The following SPTLC1 variants were observed in gnomAD, a reference collection of about 807,000 sequenced individuals.
SPTLC1 encodes serine palmitoyltransferase long chain base subunit 1, also known as serine palmitoyltransferase 1.
SPTLC1 carries 55 observed loss-of-function variants against 68.9 expected under a neutral mutation model. The ratio of observed to expected loss-of-function variants is 0.80; its 90% CI spans 0.64 to 1.00. The LOEUF is 1.00. Among genes scored for constraint, SPTLC1 ranks in the 50% least tolerant of loss-of-function variants. The pLI, the probability that SPTLC1 is intolerant of heterozygous loss-of-function variation, is 0.00. For synonymous variants in SPTLC1, 197 were observed against 201.6 expected, an observed-to-expected ratio of 0.98 and a Z score of 0.19; for missense variants, 449 against 573.1, an observed-to-expected ratio of 0.78 and a Z score of 2.21.
chr9:92,060,268 G>C (rs1246945774), intron 6 of SPTLC1, among the ~76,000 whole-genome samples: 1 of 152,134 alleles, frequency 6.6e-6, no homozygotes, highest in Non-Finnish European at 1.5e-5. Flanking sequence ...GGCACAATAT[G>C]AAAGTGTCTA....
rs779525856 is a variant in SPTLC1, at chr9:92,079,542, A to C, written c.427+474T>G. On this transcript the variant is annotated intron_variant, in intron 5 of 14. Coordinates refer to ENST00000262554, the MANE Select transcript of SPTLC1 (RefSeq NM_006415.4). ...GTTCCCGGATTATCCATACACAAGG[A>C]AATCAATGATCCTTCATCTTCATTC... 7 of 1,613,792 alleles carry C rather than the reference A, an allele frequency of 4.3e-6. No individual in the cohort carries two copies. The Admixed American group carries it at 1.0e-4, about 23-fold the overall frequency.
rs151095899 is a variant in SPTLC1 at position 92,106,710 on chromosome 9, T to G, written c.260+2030A>C. ...TTTGATATCCATAATTCCTAACTCT[T>G]CCCTGGCTCTTCCCACTGACCTTGC... On this transcript the variant is annotated intron_variant, in intron 3 of 14. Transcript: ENST00000262554. 9.8e-3 allele frequency among the ~76,000 whole-genome samples: 1,489 copies of G among 152,192 alleles called. 21 individuals carry two copies. Among genetic ancestry groups the G allele is most frequent in the African/African-American group, 0.034 (1,391 of 41,508 alleles).
rs1207146270 is a variant in SPTLC1 at position 92,086,224 on chromosome 9, A to G, written c.261-5261T>C. On this transcript the variant is annotated intron_variant, in intron 3 of 14. Coordinates refer to ENST00000262554, the MANE Select transcript of SPTLC1 (RefSeq NM_006415.4). ...TTGCCAGTCTGTGTCTTTTAATTGGAGCATTTAGTCCATTTACATTTAAAG... is the reference window on the plus strand; with the variant it reads ...TTGCCAGTCTGTGTCTTTTAATTGGGGCATTTAGTCCATTTACATTTAAAG... Among the ~76,000 whole-genome samples the G allele has an allele frequency of 4.1e-4, 62 of 151,648 alleles. 1 individual carries two copies. In the East Asian group the frequency reaches 6.2e-3, roughly 15 times the overall value.
intron 6 of SPTLC1, 56 bp downstream of exon 6, chr9:92,067,910 C>T (rs1834349464): frequency 2.6e-6 from 4 of 1,558,500 alleles, no homozygotes; most frequent in Admixed American, 1.7e-5. Flanking sequence ...TTCTCTAAGA[C>T]AGTCAGTATT....
chr9:92,055,447 T>C lies in SPTLC1; in HGVS notation c.738A>G (p.Gly246=). 1 of 1,613,788 alleles carries C rather than the reference T, an allele frequency of 6.2e-7. No homozygotes were observed. The highest frequency in any genetic ancestry group is 2.2e-5 in the East Asian group (1 of 44,874). ...RVTRRFIVVE[G]LYMNTGTICP... ...AAATAGTTCCAGTATTCATATACAA[T>C]CCTTCTACTACAATGAAACGCCGAG... The change falls in exon 8 of 15, where the codon GGA becomes GGG. Residue 246 remains glycine (G), a synonymous_variant. Transcript: ENST00000262554.
At chr9:92,050,309 T>C (rs1564087918) in intron 8 of SPTLC1, 1 of 445,370 alleles carries the variant, frequency 2.2e-6, no homozygotes, top group Non-Finnish European at 4.1e-6. Flanking sequence ...ACACGTGTTT[T>C]CCCAGGTGAG....
intron 3 of SPTLC1, among the ~76,000 whole-genome samples, chr9:92,090,790 G>A (rs1835334002): frequency 6.6e-6 from 1 of 152,056 alleles, no homozygotes; most frequent in African/African-American, 2.4e-5. Flanking sequence ...TCTGTCAGCT[G>A]CTCCTGCAAC....
At chr9:92,035,008 A>G in intron 13 of SPTLC1, 125 bp from the exon 14 acceptor site, 1 of 834,948 alleles carries the variant, frequency 1.2e-6, no homozygotes, top group East Asian at 2.5e-5. Context: ...TTGCTAGAAG[A>G]TATCACCAAA....
At chr9:92,033,799 G>C (rs557186706) in intron 14 of SPTLC1, among the ~76,000 whole-genome samples, 3 of 152,130 alleles carry the variant, frequency 2.0e-5, no homozygotes, top group East Asian at 1.9e-4. Context: ...TGCCCACCTC[G>C]GTCTCCCAGG....
At chr9:92,041,827 A>G (rs908438873) in intron 12 of SPTLC1, among the ~76,000 whole-genome samples, 2 of 152,254 alleles carry the variant, frequency 1.3e-5, no homozygotes, top group African/African-American at 2.4e-5. Flanking sequence ...AAATATTTCA[A>G]TGTAATTCAG....
At chr9:92,082,122 AG>A (rs1160547210) in intron 3 of SPTLC1, among the ~76,000 whole-genome samples, 1 of 152,182 alleles carries the variant, frequency 6.6e-6, no homozygotes, top group Non-Finnish European at 1.5e-5. Flanking sequence ...TCATTAAAGT[AG>A]GGGAGAGTCT....
intron 8 of SPTLC1, chr9:92,055,204 C>A: frequency 1.0e-6 from 1 of 985,074 alleles, no homozygotes; most frequent in African/African-American, 1.7e-5. Flanking sequence ...CCAGCCTGGG[C>A]AACAGAGCAG....
chr9:92,087,134 A>G (rs968049220), intron 3 of SPTLC1, among the ~76,000 whole-genome samples: 24 of 152,178 alleles, frequency 1.6e-4, no homozygotes, highest in Non-Finnish European at 3.5e-4. Context: ...TATTCTAGTT[A>G]TACATTCGTC....
intron 2 of SPTLC1, chr9:92,110,495 G>A (rs1236954382): frequency 6.6e-6 from 1 of 152,088 alleles, no homozygotes; most frequent in Admixed American, 6.6e-5. Flanking sequence ...ACCCAAAAAG[G>A]ATTAGATTGA....
chr9:92,106,490 AAAGT>A lies in SPTLC1; in HGVS notation c.260+2246_260+2249del, dbSNP rs1379457045. Among the ~76,000 whole-genome samples, 97 of 150,668 alleles carry A rather than the reference AAAGT, an allele frequency of 6.4e-4. 1 individual carries two copies. In the Middle Eastern group the frequency reaches 0.017, roughly 27 times the overall value. ...TCCGTCTCAAAAAAAAAAAAAAAAAAAAGTAAGACATGGCAAACTGCAGTGGCAC... is the reference window on the plus strand; with the variant it reads ...TCCGTCTCAAAAAAAAAAAAAAAAAAAAGACATGGCAAACTGCAGTGGCAC... On this transcript the variant is annotated intron_variant, in intron 3 of 14. Coordinates refer to ENST00000262554, the MANE Select transcript of SPTLC1 (RefSeq NM_006415.4).
chr9:92,044,004 C>T (rs1358168653), intron 12 of SPTLC1, among the ~76,000 whole-genome samples: 1 of 152,138 alleles, frequency 6.6e-6, no homozygotes, highest in African/African-American at 2.4e-5. Flanking sequence ...TTCTCTGTAA[C>T]CATCTAGATA....
At chr9:92,071,430 C>T (rs1029612134) in intron 5 of SPTLC1, among the ~76,000 whole-genome samples, 2 of 152,052 alleles carry the variant, frequency 1.3e-5, no homozygotes, top group South Asian at 4.1e-4. Context: ...CAAAAATATC[C>T]CTAGAGACAT....
At chr9:92,076,585 A>T (rs1834689710) in intron 5 of SPTLC1, among the ~76,000 whole-genome samples, 2 of 152,254 alleles carry the variant, frequency 1.3e-5, no homozygotes, top group South Asian at 2.1e-4. Context: ...ATAAATCTTT[A>T]ACCCACCTTT....
chr9:92,045,229 G>C (rs1158901166), intron 12 of SPTLC1, among the ~76,000 whole-genome samples: 1 of 151,934 alleles, frequency 6.6e-6, no homozygotes, highest in Non-Finnish European at 1.5e-5. Context: ...ACACAGATAG[G>C]ACTTTCATGA....
Sources: gnomAD v4.1 joint callset for allele counts (sites outside exome capture counted in the v4.1 genomes callset) on GRCh38, gnomAD v4.1.1 for gene constraint, MANE v1.5 for transcripts, NCBI Gene and HGNC (gene_info 2026-07-23, HGNC 2026-07-21) for gene names.